MYO1B: variants seen among roughly 807,000 people sequenced by gnomAD.
The protein encoded by MYO1B is myosin IB.
MYO1B carries 72 observed loss-of-function variants against 159.7 expected under a neutral mutation model. The ratio of observed to expected loss-of-function variants is 0.45; its 90% CI spans 0.37 to 0.55. The LOEUF (loss-of-function observed/expected upper bound fraction) is 0.55, where lower values mean the gene tolerates loss of function less well. Among genes scored for constraint, MYO1B ranks in the 20% least tolerant of loss-of-function variants. MYO1B has a pLI of 0.00. For synonymous variants in MYO1B, 468 were observed against 473.8 expected (o/e 0.99, Z 0.16); for missense variants, 1,062 against 1,364.8 (o/e 0.78, Z 3.50).
At chr2:191,421,657 G>T (rs1466146397) in intron 30 of MYO1B, among the ~76,000 whole-genome samples, 1 of 152,084 alleles carries the variant, frequency 6.6e-6, no homozygotes, top group Non-Finnish European at 1.5e-5. Flanking sequence ...TGTATTTTTA[G>T]TAGAGACGTG....
At chr2:191,382,772 G>A (rs905830300) in intron 14 of MYO1B, among the ~76,000 whole-genome samples, 1 of 152,102 alleles carries the variant, frequency 6.6e-6, no homozygotes, top group African/African-American at 2.4e-5. Flanking sequence ...AAAATACTTT[G>A]TGGTAGCGCT....
intron 28 of MYO1B, 114 bp from the exon 29 acceptor site, chr2:191,414,403 A>G (rs1236245815): frequency 2.7e-6 from 3 of 1,100,792 alleles, no homozygotes; most frequent in East Asian, 5.3e-5. Flanking sequence ...CTTGGTTTAC[A>G]TAGGTATGTT....
intron 6 of MYO1B, among the ~76,000 whole-genome samples, chr2:191,349,045 G>A (rs959783051): frequency 2.0e-5 from 3 of 152,060 alleles, no homozygotes; most frequent in Non-Finnish European, 2.9e-5. Flanking sequence ...CTTTGTTCCC[G>A]CTTCTTTGGC....
chr2:191,373,086 A>G (rs1016672088), intron 13 of MYO1B, among the ~76,000 whole-genome samples: 1 of 151,752 alleles, frequency 6.6e-6, no homozygotes, highest in African/African-American at 2.4e-5. Context: ...TTTTGACTTC[A>G]TGATCCACCC....
intron 8 of MYO1B, 24 bp from the exon 9 acceptor site, chr2:191,362,241 TAAC>T (rs1693716288): frequency 6.4e-7 from 1 of 1,568,786 alleles, no homozygotes; most frequent in Non-Finnish European, 8.8e-7. Context: ...TGAAGCAACT[TAAC>T]AACTTGTGTC....
At chr2:191,259,058 G>A (rs1686638885) in intron 1 of MYO1B, among the ~76,000 whole-genome samples, 1 of 152,216 alleles carries the variant, frequency 6.6e-6, no homozygotes, top group Admixed American at 6.5e-5. Flanking sequence ...CCTACTCTGT[G>A]ATTTAGCTTC....
At chr2:191,399,835 G>A (rs1696496430) in intron 21 of MYO1B, among the ~76,000 whole-genome samples, 1 of 152,162 alleles carries the variant, frequency 6.6e-6, no homozygotes, top group South Asian at 2.1e-4. Flanking sequence ...GTTTATAGGC[G>A]AGAGACCTTA....
intron 30 of MYO1B, 42 bp downstream of exon 30, chr2:191,416,284 C>CT: frequency 1.2e-6 from 2 of 1,612,116 alleles, no homozygotes; most frequent in Admixed American, 1.7e-5. Flanking sequence ...TCTCTTTCAG[C>CT]TTTTTTGTTT....
intron 1 of MYO1B, among the ~76,000 whole-genome samples, chr2:191,246,895 A>G (rs1685823502): frequency 6.6e-6 from 1 of 152,170 alleles, no homozygotes; most frequent in Admixed American, 6.5e-5. Flanking sequence ...GAGCCCTGGC[A>G]TTGAAGTGTT....
At chr2:191,268,472 C>T (rs1398811651) in intron 1 of MYO1B, among the ~76,000 whole-genome samples, 6 of 152,246 alleles carry the variant, frequency 3.9e-5, no homozygotes, top group African/African-American at 7.2e-5. Context: ...TTTGGGAGGA[C>T]GCAAGCATTC....
chr2:191,371,705 T>G (rs960838460), intron 13 of MYO1B, among the ~76,000 whole-genome samples: 4 of 152,144 alleles, frequency 2.6e-5, no homozygotes, highest in Non-Finnish European at 5.9e-5. Flanking sequence ...GGTTCCCCAG[T>G]ATCTGGAAGT....
chr2:191,315,558 A>G (rs1468455603), intron 3 of MYO1B, among the ~76,000 whole-genome samples: 1 of 152,232 alleles, frequency 6.6e-6, no homozygotes, highest in Non-Finnish European at 1.5e-5. Flanking sequence ...CTGGTAGTCA[A>G]AGCAAAAAAG....
In MYO1B at chr2:191,291,293, G is replaced by A. The variant is rs559230163; in HGVS notation, c.136-4818G>A. On this transcript the variant is annotated intron_variant, in intron 2 of 30. Transcript: ENST00000392318. ...AAGACATCTGTTTTGGAATGCTAGAGATACTTGAAATCTAGGAAGGTCGAG... is the reference window on the plus strand; with the variant it reads ...AAGACATCTGTTTTGGAATGCTAGAAATACTTGAAATCTAGGAAGGTCGAG... Among the ~76,000 whole-genome samples the A allele has an allele frequency of 6.6e-5, 10 of 152,298 alleles. 1 individual carries two copies. The South Asian group carries it at 1.9e-3, about 28-fold the overall frequency.
chr2:191,358,051 C>T (rs543921101), intron 7 of MYO1B, among the ~76,000 whole-genome samples: 11 of 152,012 alleles, frequency 7.2e-5, no homozygotes, highest in South Asian at 2.1e-4. Flanking sequence ...GTTGCTTAGG[C>T]GAATTCATGT....
At chr2:191,302,020 C>T (rs1370396206) in intron 3 of MYO1B, among the ~76,000 whole-genome samples, 2 of 152,230 alleles carry the variant, frequency 1.3e-5, no homozygotes, top group Non-Finnish European at 2.9e-5. Flanking sequence ...CCCCACTACT[C>T]TCCTTTGTGG....
chr2:191,362,267 G>A lies in MYO1B; in HGVS notation c.662-1G>A. 6.2e-7 allele frequency: 1 copy of A among 1,612,200 alleles called. No homozygotes were observed. On this transcript the variant is annotated splice_acceptor_variant, in intron 8 of 30. Transcript: ENST00000392318. LOFTEE classifies it high-confidence loss of function. The stretch of plus-strand genomic sequence containing the variant: ...AACAACTTGTGTCTTTGATTCAATA[G>A]ATAAACTTAAGCTTGAGAGGGATTT...
chr2:191,259,804 G>GTGA (rs1484223459), intron 1 of MYO1B, among the ~76,000 whole-genome samples: 2 of 152,138 alleles, frequency 1.3e-5, no homozygotes, highest in African/African-American at 4.8e-5. Flanking sequence ...TCTGGCTTGT[G>GTGA]TGATGTTGGG....
intron 1 of MYO1B, among the ~76,000 whole-genome samples, chr2:191,272,820 G>T (rs1200952151): frequency 6.6e-6 from 1 of 152,192 alleles, no homozygotes. Context: ...TAGCGAAGAT[G>T]ATCATCTTGT....
rs1034273561 is a variant in MYO1B at position 191,390,464 on chromosome 2, A to G, written c.1954A>G (p.Thr652Ala). ...LERYKMLCKQTWPHWKGPARS... is the reference protein window; with the variant it reads ...LERYKMLCKQAWPHWKGPARS... ...AAGATACAAAATGCTTTGTAAACAA[A>G]CATGGCCTCATTGGAAAGGACCAGC... is the stretch of plus-strand genomic sequence containing the variant. Residue 652 changes from threonine (T) to alanine (A), a missense_variant, in exon 18 of 31, where the codon ACA (threonine) becomes GCA (alanine). Thr to Ala is a moderately conservative substitution (Grantham distance 58). Around this residue, in one of 5 missense-constraint regions of MYO1B, gnomAD observed 609 missense variants for 744.4 expected, o/e 0.82. Coordinates refer to ENST00000392318, the MANE Select transcript of MYO1B (RefSeq NM_001130158.3). 3.1e-6 allele frequency: 5 copies of G among 1,614,020 alleles called. No homozygotes were observed. The highest frequency in any genetic ancestry group is 4.2e-6 in the Non-Finnish European group (5 of 1,180,006).
Sources: gnomAD v4.1 joint callset for allele counts (sites outside exome capture counted in the v4.1 genomes callset) on GRCh38, gnomAD v4.1.1 for gene constraint, gnomAD v4.1.1 regional missense constraint, MANE v1.5 for transcripts, NCBI Gene and HGNC (gene_info 2026-07-23, HGNC 2026-07-21) for gene names.